Variants in TTN observed in about 807,000 individuals in gnomAD.
TTN encodes connectin.
A neutral mutation model predicts 3,223.0 loss-of-function variants in TTN; 1,525 were observed. The ratio of observed to expected loss-of-function variants is 0.47; its 90% CI spans 0.45 to 0.49. TTN has a LOEUF of 0.49. TTN is among the 20% of genes least tolerant of loss of function. The pLI, the probability that TTN is intolerant of heterozygous loss-of-function variation, is 0.00. For synonymous variants in TTN, 14,094 were observed against 15,161.0 expected (o/e 0.93, Z 5.17); for missense variants, 40,786 against 43,424.0 (o/e 0.94, Z 5.40).
Position 178,730,111 on chromosome 2 carries a change from C to T in TTN, c.18289G>A (p.Ala6097Thr), listed in dbSNP as rs780063658. 1 of 1,454,138 alleles carries T rather than the reference C, an allele frequency of 6.9e-7. No homozygotes were observed. The highest frequency in any genetic ancestry group is 1.1e-5 in the South Asian group (1 of 88,800). 90.1% of individuals were successfully genotyped at this position (1,454,138 alleles called of 1,614,324 possible). A position where few individuals can be genotyped will look rare whatever the true frequency, so the allele number is the denominator to read the frequency against. ...ACCAGACCTTTTACAAAGAGAGTGG[C>T]TTTGCTGGTTGCTGTGCCAACATCA... Reference protein sequence around the residue: ...SNDVGTATSKATLFVKEPPQF... With the variant: ...SNDVGTATSKTTLFVKEPPQF... Residue 6097 changes from alanine (A) to threonine (T), a missense_variant, in exon 62 of 363, where the codon GCC (alanine) becomes ACC (threonine). Ala to Thr is a moderately conservative substitution (Grantham distance 58). Transcript: ENST00000589042.
At chr2:178,686,311 G>A (rs1026595107) in intron 127 of TTN, among the ~76,000 whole-genome samples, 1 of 150,124 alleles carries the variant, frequency 6.7e-6, no homozygotes, top group Admixed American at 6.6e-5. Flanking sequence ...TAGTAGAGAC[G>A]GGGTTTCACC....
chr2:178,548,888 G>A lies in TTN; in HGVS notation c.92738C>T (p.Thr30913Ile), dbSNP rs778462222. 1 of 1,613,766 alleles carries A rather than the reference G, an allele frequency of 6.2e-7. No individual in the cohort carries two copies. The highest frequency in any genetic ancestry group is 1.7e-5 in the Admixed American group (1 of 60,004). The stretch of plus-strand genomic sequence containing the variant: ...TGTTAACCGGTCAACTGCTTTAATT[G>A]TGCCAGTCACTTCACAGCTGTCGCC... ...GKGDSCEVTG[T>I]IKAVDRLTAP... is the part of the protein sequence containing the mutation. The change falls in exon 339 of 363, where the codon ACA (threonine) becomes ATA (isoleucine). Residue 30913 changes from threonine (T) to isoleucine (I), a missense_variant. Coordinates refer to ENST00000589042, the MANE Select transcript of TTN (RefSeq NM_001267550.2). This position sits in a 1 kb window ranked among gnomAD's most constrained non-coding sequence, Gnocchi z 4.3.
chr2:178,538,016 C>T (rs1468079770), intron 354 of TTN, 99 bp from the exon 355 acceptor site: 10 of 1,097,414 alleles, frequency 9.1e-6, no homozygotes, highest in Non-Finnish European at 1.1e-5. Flanking sequence ...TTTACTGACA[C>T]ATACCATGAT....
At chr2:178,781,342 G>C in intron 20 of TTN, 79 bp from the exon 21 acceptor site, 1 of 1,494,246 alleles carries the variant, frequency 6.7e-7, no homozygotes, top group South Asian at 1.2e-5. Flanking sequence ...TTATCTGTGA[G>C]TGGATCTGTG....
At chr2:178,666,801 G>A in intron 163 of TTN, 23 bp downstream of exon 163, 1 of 1,527,992 alleles carries the variant, frequency 6.5e-7, no homozygotes, top group Middle Eastern at 1.7e-4. Context: ...AGATTAAAAA[G>A]GTGACTTTCT....
Position 178,549,708 on chromosome 2 carries a change from C to T in TTN, c.92014G>A (p.Asp30672Asn), listed in dbSNP as rs1025405753. The change falls in exon 338 of 363, where the codon GAT becomes AAT. Residue 30672 changes from aspartate (D) to asparagine (N), a missense_variant. Physicochemically the swap from Asp to Asn is conservative, Grantham distance 23. Coordinates refer to ENST00000589042, the MANE Select transcript of TTN (RefSeq NM_001267550.2). ...GTGTAACTTTGGGCTTCACATTTAT[C>T]CTCAATTAGTGCCCAGGCAAGTCTG... ...TSRLAWALIE[D>N]KCEAQSYTAI... 1.9e-6 allele frequency: 3 copies of T among 1,613,590 alleles called. No individual in the cohort carries two copies. The highest frequency in any genetic ancestry group is 2.5e-6 in the Non-Finnish European group (3 of 1,179,766).
rs749194310 is a variant in TTN, at chr2:178,565,250, G to T, written c.80882C>A (p.Ala26961Glu). The change falls in exon 326 of 363, where the codon GCA becomes GAA. Residue 26961 changes from alanine to glutamate, a missense_variant. Physicochemically the swap from Ala to Glu is moderately radical, Grantham distance 107. Coordinates refer to ENST00000589042, the MANE Select transcript of TTN (RefSeq NM_001267550.2). ...TVTATNSAGT[A>E]TENLSVIVLE... ...AACGATAACACTGAGATTTTCTGTT[G>T]CTGTGCCTGCACTATTTGTTGCCGT... The T allele has an allele frequency of 2.5e-6, 4 of 1,613,496 alleles. No homozygotes were observed. The highest frequency in any genetic ancestry group is 2.7e-5 in the African/African-American group (2 of 74,900).
chr2:178,730,027 G>GCCCCCC, intron 62 of TTN, 66 bp downstream of exon 62: 9 of 802,918 alleles, frequency 1.1e-5, no homozygotes, highest in Non-Finnish European at 1.7e-5. Context: ...AGCGTCCCCC[G>GCCCCCC]CCCCGGCCCA....
chr2:178,567,415 T>C lies in TTN; in HGVS notation c.78717A>G (p.Arg26239=), dbSNP rs1222958406. The stretch of plus-strand genomic sequence containing the variant: ...TGAAATCTGTGTTCTTTATTTCACA[T>C]CTAGCAGATTCTTCAATTTCCTTAT... ...RGDKEIEESA[R]CEIKNTDFKA... The change falls in exon 326 of 363, where the codon AGA becomes AGG. Residue 26239 remains arginine, a synonymous_variant. Transcript: ENST00000589042. The C allele has an allele frequency of 4.4e-6, 7 of 1,606,042 alleles. No homozygotes were observed. Among genetic ancestry groups the C allele is most frequent in the Non-Finnish European group, 5.9e-6 (7 of 1,176,782 alleles).
In TTN at chr2:178,632,565, C is replaced by G; in HGVS notation, c.43441G>C (p.Ala14481Pro). The G allele has an allele frequency of 3.1e-6, 5 of 1,613,360 alleles. No individual in the cohort carries two copies. The highest frequency in any genetic ancestry group is 4.2e-6 in the Non-Finnish European group (5 of 1,179,558). The change falls in exon 235 of 363, where the codon GCT becomes CCT. Residue 14481 changes from alanine to proline, a missense_variant. Coordinates refer to ENST00000589042, the MANE Select transcript of TTN (RefSeq NM_001267550.2). Reference sequence around the variant, plus strand: ...TTGCCACTTGTGTGCTTATCTTCAGCTTCAAACATGTATTTTGCTTCATCT... The same window carrying G: ...TTGCCACTTGTGTGCTTATCTTCAGGTTCAAACATGTATTTTGCTTCATCT... ...FEDEAKYMFEAEDKHTSGKLI... is the reference protein window; with the variant it reads ...FEDEAKYMFEPEDKHTSGKLI...
chr2:178,607,474 G>A lies in TTN; in HGVS notation c.53214C>T (p.Asp17738=), dbSNP rs770236132. 6.2e-7 allele frequency: 1 copy of A among 1,613,240 alleles called. No homozygotes were observed. Among genetic ancestry groups the A allele is most frequent in the East Asian group, 2.2e-5 (1 of 44,778 alleles). The change falls in exon 277 of 363, where the codon GAC becomes GAT. Residue 17738 remains aspartate, a synonymous_variant. Coordinates refer to ENST00000589042, the MANE Select transcript of TTN (RefSeq NM_001267550.2). ...ELIIKDALRK[D]HGRYVITATN... is the part of the protein sequence containing the mutation. ...TAGCTGTAATCACATATCTGCCATG[G>A]TCTTTTCGCAGTGCATCCTTGATAA...
intron 47 of TTN, chr2:178,750,747 T>C: frequency 6.2e-7 from 1 of 1,613,040 alleles, no homozygotes; most frequent in Non-Finnish European, 8.5e-7. Context: ...TTTACAAGTG[T>C]ACCAAAAGAT....
Position 178,605,237 on chromosome 2 carries a change from T to G in TTN, c.53940A>C (p.Ala17980=). The change falls in exon 280 of 363, where the codon GCA becomes GCC. Residue 17980 remains alanine (A), a synonymous_variant. Transcript: ENST00000589042. ...CTGCAGGGATGTGGACAGGCTCTCC[T>G]GCCTTAACTTTGATAGTGTCTCCTC... ...SVRGDTIKVK[A]GEPVHIPADV... 2 of 1,609,776 alleles carry G rather than the reference T, an allele frequency of 1.2e-6. No homozygotes were observed. The highest frequency in any genetic ancestry group is 1.7e-6 in the Non-Finnish European group (2 of 1,177,922).
rs373215746 is a variant in TTN, at chr2:178,704,684, T to C, written c.29788A>G (p.Ile9930Val). Residue 9930 changes from isoleucine (I) to valine (V), a missense_variant, in exon 105 of 363, where the codon ATC becomes GTC. Coordinates refer to ENST00000589042, the MANE Select transcript of TTN (RefSeq NM_001267550.2). ...EIDIKINYPE[I>V]KLSWYKGTEK... ...GTTCCTTTGTACCACGAAAGCTTGATTTCTGGATAATTAATTTTAATGTCA... is the reference window on the plus strand; with the variant it reads ...GTTCCTTTGTACCACGAAAGCTTGACTTCTGGATAATTAATTTTAATGTCA... 2 of 1,611,734 alleles carry C rather than the reference T, an allele frequency of 1.2e-6. No individual in the cohort carries two copies. The highest frequency in any genetic ancestry group is 2.7e-5 in the African/African-American group (2 of 74,920).
rs573246972 is a variant in TTN at position 178,698,895 on chromosome 2, C to T, written c.30702G>A (p.Lys10234=). ...TTGCAACAACTTTTTTGGCATCTTTCTTCACAGCCTTTTTGGTAACTAAAA... is the reference window on the plus strand; with the variant it reads ...TTGCAACAACTTTTTTGGCATCTTTTTTCACAGCCTTTTTGGTAACTAAAA... The part of the protein sequence containing the change: ...KRIEVTKKAV[K]KDAKKVVAKP... Residue 10234 remains lysine (K), a synonymous_variant, in exon 112 of 363, where the codon AAG becomes AAA. Coordinates refer to ENST00000589042, the MANE Select transcript of TTN (RefSeq NM_001267550.2). 25 of 1,518,058 alleles carry T rather than the reference C, an allele frequency of 1.6e-5. No individual in the cohort carries two copies. The highest frequency in any genetic ancestry group is 2.1e-5 in the Non-Finnish European group (24 of 1,137,936). 94.0% of individuals were successfully genotyped at this position (1,518,058 alleles called of 1,614,324 possible). A position where few individuals can be genotyped will look rare whatever the true frequency, so the allele number is the denominator to read the frequency against.
rs1359190189 is a variant in TTN, at chr2:178,567,670, A to G, written c.78462T>C (p.Thr26154=). ...IETQFTVSGL[T]EDQRYEFRVI... ...CTCTGAATTCATATCTTTGATCTTCAGTAAGACCTGACACAGTAAATTGAG... is the reference window on the plus strand; with the variant it reads ...CTCTGAATTCATATCTTTGATCTTCGGTAAGACCTGACACAGTAAATTGAG... Residue 26154 remains threonine, a synonymous_variant, in exon 326 of 363, where the codon ACT becomes ACC. Coordinates refer to ENST00000589042, the MANE Select transcript of TTN (RefSeq NM_001267550.2). 4.3e-6 allele frequency: 7 copies of G among 1,612,332 alleles called. No homozygotes were observed. The African/African-American group carries it at 6.7e-5, about 15-fold the overall frequency.
At chr2:178,794,835 A>C (rs959803115) in intron 7 of TTN, 87 bp downstream of exon 7, 1 of 1,547,916 alleles carries the variant, frequency 6.5e-7, no homozygotes, top group East Asian at 2.2e-5. Context: ...TTTTCCTCCA[A>C]TTTATACAGA....
intron 47 of TTN, chr2:178,744,737 T>G: frequency 1.0e-6 from 1 of 984,650 alleles, no homozygotes; most frequent in Non-Finnish European, 1.2e-6. Context: ...AGTTTTAAAA[T>G]CTATATGTAA....
Position 178,621,621 on chromosome 2 carries a change from TC to T in TTN, c.45202del (p.Glu15068ArgfsTer12). ...ATATCTTCCTGTTTCAATGATCTCC[TC>T]ATCCCCTTTATACCAAATCACTTCT... is the stretch of plus-strand genomic sequence containing the variant. ...GAEVIWYKGD[E>X]EIIETGRYEI... On this transcript the variant is annotated frameshift_variant, in exon 245 of 363. Coordinates refer to ENST00000589042, the MANE Select transcript of TTN (RefSeq NM_001267550.2). LOFTEE classifies it high-confidence loss of function. 6.2e-7 allele frequency: 1 copy of T among 1,612,570 alleles called. No homozygotes were observed.
Sources: gnomAD v4.1 joint callset for allele counts (sites outside exome capture counted in the v4.1 genomes callset) on GRCh38, gnomAD v4.1.1 for gene constraint, Gnocchi (gnomAD v3.1) non-coding constraint, MANE v1.5 for transcripts, NCBI Gene and HGNC (gene_info 2026-07-23, HGNC 2026-07-21) for gene names.